Variants in SGIP1 observed in about 807,000 individuals in gnomAD.
SGIP1 encodes SH3GL interacting endocytic adaptor 1, also known as SH3-containing GRB2-like protein 3-interacting protein 1.
Under a neutral mutation model 107.5 loss-of-function variants are expected in SGIP1, and 38 were observed. That is an observed-to-expected ratio of 0.35 (90% CI 0.27 to 0.46). The LOEUF (loss-of-function observed/expected upper bound fraction) is 0.46, where lower values mean the gene tolerates loss of function less well. Among genes scored for constraint, SGIP1 ranks in the 20% least tolerant of loss-of-function variants. The pLI is 1.00. For missense variants in SGIP1, 929 were observed against 1,019.5 expected (o/e 0.91, Z 1.21); for synonymous variants, 365 against 366.1 (o/e 1.00, Z 0.03).
At chr1:66,533,456 C>T (rs1401889863), upstream of SGIP1, 1 of 152,288 alleles carries the variant, frequency 6.6e-6, no homozygotes, top group Non-Finnish European at 1.5e-5. Context: ...AGCCCTTCAG[C>T]ATGTCATGCG....
intron 19 of SGIP1, 84 bp from the exon 20 acceptor site, chr1:66,729,180 A>G: frequency 6.7e-7 from 1 of 1,483,954 alleles, no homozygotes; most frequent in Non-Finnish European, 9.3e-7. Flanking sequence ...ACATTGCCTC[A>G]TAAATTGTTT....
intron 1 of SGIP1, among the ~76,000 whole-genome samples, chr1:66,556,530 C>T (rs1447141563): frequency 1.3e-5 from 2 of 152,050 alleles, no homozygotes; most frequent in Admixed American, 6.5e-5. Context: ...GACTTGCTTC[C>T]AGGCTTGCAA....
At chr1:66,679,649 A>G (rs984213761) in intron 13 of SGIP1, 29 bp from the exon 14 acceptor site, 1 of 1,597,842 alleles carries the variant, frequency 6.3e-7, no homozygotes, top group Non-Finnish European at 8.5e-7. Flanking sequence ...CACATGACCA[A>G]TGATACTTAA....
rs1458787403 is a variant in SGIP1, at chr1:66,625,883, G to A, written c.47G>A (p.Arg16Gln). ...CGTACAAGGAAGGCCTTTGGAATACGGAAGAAAGAAAAGGACACTGATTCT... is the reference window on the plus strand; with the variant it reads ...CGTACAAGGAAGGCCTTTGGAATACAGAAGAAAGAAAAGGACACTGATTCT... ...KKRTRKAFGI[R>Q]KKEKDTDSTG... Residue 16 changes from arginine to glutamine, a missense_variant, in exon 2 of 25, where the codon CGG becomes CAG. Physicochemically the swap from Arg to Gln is conservative, Grantham distance 43. Transcript: ENST00000371037. The A allele has an allele frequency of 1.9e-6, 3 of 1,612,210 alleles. No individual in the cohort carries two copies. Among genetic ancestry groups the A allele is most frequent in the Non-Finnish European group, 1.7e-6 (2 of 1,178,912 alleles).
intron 8 of SGIP1, among the ~76,000 whole-genome samples, chr1:66,664,533 G>A (rs1032203627): frequency 1.3e-5 from 2 of 152,122 alleles, no homozygotes; most frequent in African/African-American, 4.8e-5. Context: ...TCTGAATTCT[G>A]TGTCTGGTTC....
intron 18 of SGIP1, among the ~76,000 whole-genome samples, chr1:66,696,515 T>G (rs554256891): frequency 6.6e-6 from 1 of 152,348 alleles, no homozygotes; most frequent in Admixed American, 6.5e-5. Flanking sequence ...AAAATCAGAA[T>G]GGCTGATATA....
Position 66,534,371 on chromosome 1 carries a change from A to G in SGIP1, c.10+3A>G, listed in dbSNP as rs1339003586. ...CAATTCTGCCACCATGATGGAAGGT[A>G]GGATGCTTTCTGCTATGGTTGACTG... On this transcript the variant is annotated splice_donor_region_variant and intron_variant, in intron 1 of 24. Transcript: ENST00000371037. 6 of 1,614,170 alleles carry G rather than the reference A, an allele frequency of 3.7e-6. No individual in the cohort carries two copies. Among genetic ancestry groups the G allele is most frequent in the Non-Finnish European group, 5.1e-6 (6 of 1,179,994 alleles).
At chr1:66,661,865 C>T (rs908098423) in intron 8 of SGIP1, among the ~76,000 whole-genome samples, 2 of 151,794 alleles carry the variant, frequency 1.3e-5, no homozygotes, top group African/African-American at 4.8e-5. Context: ...ACAAGAATAT[C>T]CCCCCCATCA....
Position 66,743,281 on chromosome 1 carries a change from T to G in SGIP1, c.*186T>G, listed in dbSNP as rs1157710287. ...CCATGATGACCAGTCCTACAGTATT[T>G]ACTTCTAGGTGTAATATTGTTAATG... On this transcript the variant is annotated 3_prime_UTR_variant, in exon 25 of 25. Coordinates refer to ENST00000371037, the MANE Select transcript of SGIP1 (RefSeq NM_032291.4). 1.9e-6 allele frequency: 1 copy of G among 526,770 alleles called. No homozygotes were observed. Among genetic ancestry groups the G allele is most frequent in the East Asian group, 3.2e-5 (1 of 31,406 alleles). 32.6% of individuals were successfully genotyped at this position (526,770 alleles called of 1,614,324 possible).
In SGIP1 at chr1:66,719,421, G is replaced by A; in HGVS notation, c.1742+16G>A. On this transcript the variant is annotated intron_variant, in intron 19 of 24. Transcript: ENST00000371037. ...ACCCAAGCAAGTAAGCCTGATACTT[G>A]GTCCATTGTACTTTCTGAGTTCTGT... 1 of 1,590,046 alleles carries A rather than the reference G, an allele frequency of 6.3e-7. No homozygotes were observed. The highest frequency in any genetic ancestry group is 8.6e-7 in the Non-Finnish European group (1 of 1,159,366).
intron 15 of SGIP1, among the ~76,000 whole-genome samples, chr1:66,682,724 G>A (rs114538681): frequency 0.017 from 2,645 of 151,752 alleles, 67 homozygotes; most frequent in African/African-American, 0.06. Context: ...TTAAATGTCT[G>A]ATTTCCTTGT....
In SGIP1 at chr1:66,673,940, G is replaced by A. The variant is rs1393717940; in HGVS notation, c.646+574G>A. Among the ~76,000 whole-genome samples the A allele has an allele frequency of 2.6e-5, 4 of 152,118 alleles. No homozygotes were observed. In the East Asian group the frequency reaches 7.7e-4, roughly 29 times the overall value. On this transcript the variant is annotated intron_variant, in intron 12 of 24. Coordinates refer to ENST00000371037, the MANE Select transcript of SGIP1 (RefSeq NM_032291.4). ...CCCAGCACTTTGGGATGCTGAGATA[G>A]GATTGCTTGAGCCCAGGAGTTCGAG...
intron 7 of SGIP1, among the ~76,000 whole-genome samples, chr1:66,646,819 C>T (rs2077753411): frequency 6.6e-6 from 1 of 152,136 alleles, no homozygotes; most frequent in African/African-American, 2.4e-5. Flanking sequence ...CAGATTTTGC[C>T]TTAGCCCTTG....
Position 66,749,563 on chromosome 1 carries a change from T to C in SGIP1, c.*6468T>C, listed in dbSNP as rs1041360114. 6.6e-6 allele frequency among the ~76,000 whole-genome samples: 1 copy of C among 152,058 alleles called. No homozygotes were observed. Among genetic ancestry groups the C allele is most frequent in the African/African-American group, 2.4e-5 (1 of 41,434 alleles). On this transcript the variant is annotated 3_prime_UTR_variant, in exon 25 of 25. Transcript: ENST00000371037. ...CCTGGTTAAATTGTCTGTTATCATATAGAAAAGAATCAAACTGAATCACTT... is the reference window on the plus strand; with the variant it reads ...CCTGGTTAAATTGTCTGTTATCATACAGAAAAGAATCAAACTGAATCACTT...
At chr1:66,722,130 T>C (rs2093568001) in intron 19 of SGIP1, among the ~76,000 whole-genome samples, 1 of 152,106 alleles carries the variant, frequency 6.6e-6, no homozygotes, top group African/African-American at 2.4e-5. Flanking sequence ...CATGGCCTCA[T>C]GGCGTCTCTC....
chr1:66,682,364 C>T lies in SGIP1; in HGVS notation c.1310C>T (p.Thr437Ile). The T allele has an allele frequency of 2.5e-6, 4 of 1,609,780 alleles. No individual in the cohort carries two copies. The highest frequency in any genetic ancestry group is 1.7e-6 in the Non-Finnish European group (2 of 1,178,736). The change falls in exon 15 of 25, where the codon ACC becomes ATC. Residue 437 changes from threonine (T) to isoleucine (I), a missense_variant. By Grantham distance (89) the Thr-to-Ile change is moderately conservative. Around this residue, in one of 2 missense-constraint regions of SGIP1, gnomAD observed 588 missense variants for 588.6 expected, o/e 1.00. Coordinates refer to ENST00000371037, the MANE Select transcript of SGIP1 (RefSeq NM_032291.4). ...GGCTCGGGCCCTGGTCCGGGGACCA[C>T]CAGTGGTATGTCTTATGCTTGAGTG... is the stretch of plus-strand genomic sequence containing the variant. ...GPGSGPGPGT[T>I]SGASSPARPA...
At chr1:66,568,252 T>A (rs900868225) in intron 1 of SGIP1, among the ~76,000 whole-genome samples, 5 of 152,106 alleles carry the variant, frequency 3.3e-5, no homozygotes, top group Admixed American at 2.6e-4. Flanking sequence ...AGGTTTTTAT[T>A]CTCTTTTTGC....
intron 12 of SGIP1, among the ~76,000 whole-genome samples, chr1:66,675,537 C>CTTTTTTT (rs141370211): frequency 0.014 from 1,548 of 108,996 alleles, 266 homozygotes; most frequent in African/African-American, 0.035. Context: ...TTTTCTTTTT[C>CTTTTTTT]TTTCTTTTTT....
At chr1:66,619,055 A>G (rs555607552) in intron 1 of SGIP1, among the ~76,000 whole-genome samples, 1 of 152,266 alleles carries the variant, frequency 6.6e-6, no homozygotes, top group South Asian at 2.1e-4. Context: ...ACTGGGTTCT[A>G]CATATTGATC....
Sources: allele counts gnomAD v4.1 joint callset (sites outside exome capture counted in the v4.1 genomes callset), GRCh38; gene constraint gnomAD v4.1.1; regional missense constraint gnomAD v4.1.1; transcripts MANE v1.5; gene names NCBI Gene and HGNC (gene_info 2026-07-23, HGNC 2026-07-21).